The following NSD2 variants were observed in gnomAD, a reference collection of about 807,000 sequenced individuals.
NSD2 encodes the protein histone-lysine N-methyltransferase NSD2.
NSD2 carries 12 observed loss-of-function variants against 139.0 expected under a neutral mutation model. The observed-to-expected ratio is 0.09, with a 90% CI of 0.06 to 0.14. The LOEUF (loss-of-function observed/expected upper bound fraction) is 0.14, where lower values mean the gene tolerates loss of function less well. Ranked by LOEUF, NSD2 falls within the 10% of genes least tolerant of loss-of-function variation. The pLI is 1.00. For missense variants in NSD2, 1,155 were observed against 1,745.0 expected, an observed-to-expected ratio of 0.66 and a Z score of 6.02; for synonymous variants, 669 against 648.7, an observed-to-expected ratio of 1.03 and a Z score of -0.48.
At chr4:1,938,675 G>A (rs1722752202) in intron 8 of NSD2, 143 bp downstream of exon 8, 2 of 544,652 alleles carry the variant, frequency 3.7e-6, no homozygotes, top group Non-Finnish European at 6.2e-6. Context: ...AGCTAGGAGT[G>A]AAAAAGAAGG....
rs916140074 is a variant in NSD2, at chr4:1,978,981, C to T, written c.*72C>T. The stretch of plus-strand genomic sequence containing the variant: ...GGCCCTGCCTGCGGGAGAGGGCGAG[C>T]ATGAACTGGCCCGGAGGACCCAGCT... On this transcript the variant is annotated 3_prime_UTR_variant, in exon 22 of 22. Transcript: ENST00000508803. The T allele has an allele frequency of 1.2e-5, 17 of 1,434,302 alleles. No homozygotes were observed. Among genetic ancestry groups the T allele is most frequent in the Admixed American group, 2.9e-5 (1 of 34,758 alleles). The allele number at this position is 1,434,302 out of a possible 1,614,324, so 88.8% of individuals were successfully genotyped here.
intron 19 of NSD2, 27 bp from the exon 20 acceptor site, chr4:1,975,267 T>C (rs773076474): frequency 5.6e-6 from 9 of 1,607,204 alleles, no homozygotes; most frequent in Non-Finnish European, 6.8e-6. Context: ...GTGTTTCCAA[T>C]TTGGTGTCTG....
At chr4:1,895,891 C>T (rs1039643590) in intron 1 of NSD2, among the ~76,000 whole-genome samples, 2 of 152,196 alleles carry the variant, frequency 1.3e-5, no homozygotes, top group African/African-American at 4.8e-5. Flanking sequence ...TGCTGAGGGC[C>T]CAGCCCTGGG....
At chr4:1,875,469 A>G (rs1714180918) in intron 1 of NSD2, among the ~76,000 whole-genome samples, 1 of 151,784 alleles carries the variant, frequency 6.6e-6, no homozygotes, top group Non-Finnish European at 1.5e-5. Context: ...TTATACAGAC[A>G]GGATTTCACC....
At chr4:1,892,008 A>G (rs1325595621) in intron 1 of NSD2, among the ~76,000 whole-genome samples, 2 of 151,988 alleles carry the variant, frequency 1.3e-5, no homozygotes, top group African/African-American at 4.8e-5. Context: ...TTCCTAGCAT[A>G]TCTACTCTTC....
intron 5 of NSD2, among the ~76,000 whole-genome samples, chr4:1,923,447 T>C (rs766764224): frequency 6.6e-5 from 10 of 152,034 alleles, no homozygotes; most frequent in South Asian, 2.1e-4. Flanking sequence ...AGTAAGTGCA[T>C]GAAGAGATGC....
In NSD2 at chr4:1,955,596, A is replaced by G; in HGVS notation, c.2519-97A>G. The G allele has an allele frequency of 7.1e-7, 1 of 1,402,424 alleles. No individual in the cohort carries two copies. Among genetic ancestry groups the G allele is most frequent in the Non-Finnish European group, 9.4e-7 (1 of 1,058,608 alleles). The allele number at this position is 1,402,424 out of a possible 1,614,324, so 86.9% of individuals were successfully genotyped here. A position where few individuals can be genotyped will look rare whatever the true frequency, so the allele number is the denominator to read the frequency against. ...TCGCTGTTTTAAAACTGATGTTTATAAGTTAAGGCTGTAATAAGTGTAGAC... is the reference window on the plus strand; with the variant it reads ...TCGCTGTTTTAAAACTGATGTTTATGAGTTAAGGCTGTAATAAGTGTAGAC... On this transcript the variant is annotated intron_variant, in intron 13 of 21. Transcript: ENST00000508803. The surrounding 1 kb of genome is among the most constrained non-coding windows in gnomAD (Gnocchi z 4.7).
At chr4:1,924,800 A>C in intron 5 of NSD2, among the ~76,000 whole-genome samples, 1 of 151,972 alleles carries the variant, frequency 6.6e-6, no homozygotes, top group Non-Finnish European at 1.5e-5. Flanking sequence ...GATGGTGCAC[A>C]CTTGTAGTCT....
At chr4:1,885,129 TA>T (rs1179922453) in intron 1 of NSD2, among the ~76,000 whole-genome samples, 58 of 150,640 alleles carry the variant, frequency 3.9e-4, no homozygotes, top group East Asian at 3.7e-3. Flanking sequence ...AAAATAAAAA[TA>T]AAAAAAATAA....
intron 3 of NSD2, among the ~76,000 whole-genome samples, chr4:1,912,606 A>G (rs1408059120): frequency 6.6e-6 from 1 of 151,240 alleles, no homozygotes; most frequent in Non-Finnish European, 1.5e-5. Flanking sequence ...TTATATATTT[A>G]TATAGTTATT....
At chr4:1,923,524 A>G (rs1400941641) in intron 5 of NSD2, among the ~76,000 whole-genome samples, 1 of 152,166 alleles carries the variant, frequency 6.6e-6, no homozygotes, top group East Asian at 1.9e-4. Context: ...CTTCACAGTC[A>G]TCCTTCACAG....
At chr4:1,914,714 T>C (rs1321422552) in intron 3 of NSD2, among the ~76,000 whole-genome samples, 1 of 152,236 alleles carries the variant, frequency 6.6e-6, no homozygotes, top group Non-Finnish European at 1.5e-5. Flanking sequence ...CCTAGGAATT[T>C]TGAAGGTATT....
At chr4:1,926,187 G>T (rs555416803) in intron 5 of NSD2, among the ~76,000 whole-genome samples, 64 of 134,530 alleles carry the variant, frequency 4.8e-4, no homozygotes, top group Non-Finnish European at 8.5e-4. Flanking sequence ...ACGTAGTCTC[G>T]CACTGTTGCC....
chr4:1,910,852 A>T (rs1718567736), intron 3 of NSD2, among the ~76,000 whole-genome samples: 1 of 152,122 alleles, frequency 6.6e-6, no homozygotes, highest in South Asian at 2.1e-4. Context: ...TGCCCTCCAG[A>T]GACTGAACTG....
chr4:1,975,765 C>T (rs1230842554), intron 20 of NSD2: 6 of 233,034 alleles, frequency 2.6e-5, no homozygotes, highest in South Asian at 8.1e-5. Context: ...GTAGCAGCAC[C>T]GCCCAACCAT....
At chr4:1,878,971 A>G (rs1193841896) in intron 1 of NSD2, among the ~76,000 whole-genome samples, 1 of 152,108 alleles carries the variant, frequency 6.6e-6, no homozygotes, top group East Asian at 1.9e-4. Context: ...AGTTGCTGGT[A>G]CTGTTACCTC....
At position 1,911,602 on chromosome 4, in the gene NSD2, A is replaced by G. The variant is rs557929251; in HGVS notation, c.761-5269A>G. 3.2e-3 allele frequency among the ~76,000 whole-genome samples: 477 copies of G among 147,830 alleles called. 6 individuals are homozygous for G. The highest frequency in any genetic ancestry group is 3.2e-3 in the Non-Finnish European group (213 of 67,270). ...GACGCCATCTCAAAAAAAAAAAAAA[A>G]AAAAAGAAAAAAAAAAAGAAAGAAA... On this transcript the variant is annotated intron_variant, in intron 3 of 21. Transcript: ENST00000508803.
chr4:1,934,677 A>G (rs1028607080), intron 6 of NSD2, among the ~76,000 whole-genome samples: 3 of 148,442 alleles, frequency 2.0e-5, no homozygotes, highest in African/African-American at 7.4e-5. Context: ...GTGAAAACCC[A>G]TCTTTACTAA....
chr4:1,891,478 A>G (rs770424894), intron 1 of NSD2, among the ~76,000 whole-genome samples: 3 of 152,132 alleles, frequency 2.0e-5, no homozygotes, highest in Non-Finnish European at 2.9e-5. Flanking sequence ...GATTCACGGA[A>G]TTATCAGAGT....
Sources: gnomAD v4.1 joint callset for allele counts (sites outside exome capture counted in the v4.1 genomes callset) on GRCh38, gnomAD v4.1.1 for gene constraint, Gnocchi (gnomAD v3.1) non-coding constraint, MANE v1.5 for transcripts, NCBI Gene and HGNC (gene_info 2026-07-23, HGNC 2026-07-21) for gene names.